Variants in CCDC81 observed in about 807,000 individuals in gnomAD.
CCDC81 encodes coiled-coil domain-containing protein 81.
Under a neutral mutation model 83.7 loss-of-function variants are expected in CCDC81, and 79 were observed. The ratio of observed to expected loss-of-function variants is 0.94; its 90% CI spans 0.79 to 1.14. The LOEUF is 1.14. Among genes scored for constraint, CCDC81 ranks in the 50% most tolerant of loss-of-function variants. The pLI is 0.00. For synonymous variants in CCDC81, 252 were observed against 278.1 expected (o/e 0.91, Z 0.93); for missense variants, 791 against 778.1 (o/e 1.02, Z -0.20).
At chr11:86,398,973 T>C (rs1223359436) in intron 6 of CCDC81, among the ~76,000 whole-genome samples, 1 of 152,230 alleles carries the variant, frequency 6.6e-6, no homozygotes, top group African/African-American at 2.4e-5. Context: ...TGCGGAAATG[T>C]GGCCCAAGTG....
At chr11:86,418,896 A>C (rs907436645) in intron 13 of CCDC81, among the ~76,000 whole-genome samples, 3 of 152,210 alleles carry the variant, frequency 2.0e-5, no homozygotes, top group African/African-American at 7.2e-5. Flanking sequence ...AAATCTACGA[A>C]AAGAAAAATA....
intron 1 of CCDC81, among the ~76,000 whole-genome samples, chr11:86,377,808 C>A (rs191853422): frequency 3.0e-4 from 46 of 151,940 alleles, no homozygotes; most frequent in African/African-American, 1.0e-3. Context: ...TTGGATTATG[C>A]CTTTGGTGTT....
rs1948605808 is a variant in CCDC81 at position 86,409,320 on chromosome 11, T to G, written c.1173T>G (p.Val391=). ...NQKNAAYNLG[V]AEAIRNHKNE... is the part of the protein sequence containing the mutation. ...AAAATGCTGCCTATAATCTTGGAGT[T>G]GCTGAAGCTATAAGAAACCACAAGA... is the stretch of plus-strand genomic sequence containing the variant. The change falls in exon 10 of 15, where the codon GTT becomes GTG. Residue 391 remains valine, a synonymous_variant. Coordinates refer to ENST00000445632, the MANE Select transcript of CCDC81 (RefSeq NM_001156474.2). The G allele has an allele frequency of 6.5e-7, 1 of 1,543,602 alleles. No individual in the cohort carries two copies.
intron 3 of CCDC81, among the ~76,000 whole-genome samples, chr11:86,388,818 TA>T (rs56094170): frequency 0.17 from 25,521 of 152,048 alleles, 2,766 homozygotes; most frequent in Non-Finnish European, 0.22. Context: ...AAAATGAAAA[TA>T]AAGCTAACAT....
intron 7 of CCDC81, among the ~76,000 whole-genome samples, chr11:86,405,339 G>T (rs1948550486): frequency 6.6e-6 from 1 of 152,058 alleles, no homozygotes; most frequent in African/African-American, 2.4e-5. Context: ...ACCTGGAATA[G>T]CCTTTTAATG....
chr11:86,381,569 G>A (rs1022257911), intron 1 of CCDC81, among the ~76,000 whole-genome samples: 1 of 152,122 alleles, frequency 6.6e-6, no homozygotes, highest in Non-Finnish European at 1.5e-5. Flanking sequence ...ACCCAGCATT[G>A]GTTCTTGATG....
intron 1 of CCDC81, among the ~76,000 whole-genome samples, chr11:86,379,907 G>A (rs1948153632): frequency 6.6e-6 from 1 of 152,132 alleles, no homozygotes; most frequent in South Asian, 2.1e-4. Flanking sequence ...CTGCTTGAGA[G>A]CCTAGCAGGT....
intron 6 of CCDC81, among the ~76,000 whole-genome samples, chr11:86,398,242 C>G (rs986936745): frequency 6.6e-6 from 1 of 152,194 alleles, no homozygotes; most frequent in Non-Finnish European, 1.5e-5. Context: ...TCCTATGACT[C>G]TCAGGCTCTT....
chr11:86,397,500 T>G (rs953481539), intron 5 of CCDC81, 121 bp from the exon 6 acceptor site: 2 of 1,222,276 alleles, frequency 1.6e-6, no homozygotes, highest in Non-Finnish European at 2.3e-6. Context: ...ACTCACCCCT[T>G]GAAGAAAGTG....
intron 2 of CCDC81, among the ~76,000 whole-genome samples, chr11:86,386,842 G>A (rs1948248036): frequency 6.6e-6 from 1 of 152,150 alleles, no homozygotes; most frequent in South Asian, 2.1e-4. Context: ...ATTGCTACGT[G>A]GTGACACATT....
chr11:86,395,715 G>T (rs1948398175), intron 5 of CCDC81, among the ~76,000 whole-genome samples: 1 of 152,142 alleles, frequency 6.6e-6, no homozygotes, highest in Admixed American at 6.5e-5. Context: ...CGGTCTCCTG[G>T]GTTCAAGCAA....
chr11:86,397,668 T>C lies in CCDC81; in HGVS notation c.683T>C (p.Val228Ala), dbSNP rs1948426287. ...AACAAACTGCCTATGGAGACCCTTG[T>C]AGAAGAATGTGGAGAGAATAGAGAA... The part of the protein sequence containing the change: ...MENKLPMETL[V>A]EECGENRERK... Residue 228 changes from valine (V) to alanine (A), a missense_variant, in exon 6 of 15, where the codon GTA (valine) becomes GCA (alanine). Physicochemically the swap from Val to Ala is moderately conservative, Grantham distance 64. Coordinates refer to ENST00000445632, the MANE Select transcript of CCDC81 (RefSeq NM_001156474.2). 8 of 1,613,640 alleles carry C rather than the reference T, an allele frequency of 5.0e-6. No individual in the cohort carries two copies. Among genetic ancestry groups the C allele is most frequent in the Non-Finnish European group, 6.8e-6 (8 of 1,179,862 alleles).
intron 13 of CCDC81, among the ~76,000 whole-genome samples, chr11:86,418,078 TA>T (rs1333709507): frequency 6.6e-6 from 1 of 152,006 alleles, no homozygotes; most frequent in Non-Finnish European, 1.5e-5. Context: ...AACCTATCCT[TA>T]AAAAAATAAC....
intron 7 of CCDC81, among the ~76,000 whole-genome samples, chr11:86,404,846 A>C (rs1198377562): frequency 6.6e-6 from 1 of 152,166 alleles, no homozygotes; most frequent in East Asian, 1.9e-4. Context: ...GACACATTTT[A>C]TTACTTTTTC....
intron 11 of CCDC81, 143 bp downstream of exon 11, chr11:86,412,702 C>T (rs1948662857): frequency 1.3e-6 from 1 of 759,434 alleles, no homozygotes; most frequent in Non-Finnish European, 2.1e-6. Context: ...GCAGCCAGTA[C>T]TGAAATGGGA....
intron 2 of CCDC81, among the ~76,000 whole-genome samples, chr11:86,386,668 C>T (rs184522237): frequency 1.4e-3 from 210 of 152,288 alleles, no homozygotes; most frequent in African/African-American, 4.8e-3. Context: ...AGAGGTCCTA[C>T]TATGAGAGCT....
chr11:86,395,446 A>ACTAG (rs529341057), intron 5 of CCDC81, 33 bp downstream of exon 5: 1,466 of 1,550,834 alleles, frequency 9.5e-4, no homozygotes, highest in Non-Finnish European at 1.2e-3. Context: ...TCCTCTAGGC[A>ACTAG]CTAGCACTCC....
chr11:86,386,683 G>C (rs1593911722), intron 2 of CCDC81, among the ~76,000 whole-genome samples: 1 of 152,020 alleles, frequency 6.6e-6, no homozygotes, highest in South Asian at 2.1e-4. Flanking sequence ...AGAGCTCTTG[G>C]GCAGAATTCA....
At chr11:86,379,182 C>G (rs1352638197) in intron 1 of CCDC81, among the ~76,000 whole-genome samples, 1 of 151,770 alleles carries the variant, frequency 6.6e-6, no homozygotes, top group Non-Finnish European at 1.5e-5. Flanking sequence ...CTGCAAGCTC[C>G]GCCTCCTGGG....
Sources: allele counts gnomAD v4.1 joint callset (sites outside exome capture counted in the v4.1 genomes callset), GRCh38; gene constraint gnomAD v4.1.1; transcripts MANE v1.5; gene names NCBI Gene and HGNC (gene_info 2026-07-23, HGNC 2026-07-21).